The following CAPG variants were observed in gnomAD, a reference collection of about 807,000 sequenced individuals.
CAPG encodes macrophage-capping protein.
Under a neutral mutation model 44.6 loss-of-function variants are expected in CAPG, and 32 were observed. The ratio of observed to expected loss-of-function variants is 0.72; its 90% CI spans 0.54 to 0.96. CAPG has a LOEUF of 0.96. Among genes scored for constraint, CAPG ranks in the 50% least tolerant of loss-of-function variants. The probability of loss-of-function intolerance (pLI) is 0.00; values close to 1 mark genes in which losing one functional copy is unlikely to be tolerated. For missense variants in CAPG, 412 were observed against 438.3 expected (o/e 0.94, Z 0.54); for synonymous variants, 175 against 179.6 (o/e 0.97, Z 0.20).
At chr2:85,397,489 A>T (rs985026323) in intron 8 of CAPG, among the ~76,000 whole-genome samples, 2 of 145,752 alleles carry the variant, frequency 1.4e-5, no homozygotes, top group Non-Finnish European at 3.0e-5. Flanking sequence ...CCGGTGCATC[A>T]CTTGAGGTCA....
rs570186534 is a variant in CAPG, at chr2:85,401,970, A to G, written c.24-13T>C. 1 of 1,613,934 alleles carries G rather than the reference A, an allele frequency of 6.2e-7. No individual in the cohort carries two copies. Among genetic ancestry groups the G allele is most frequent in the South Asian group, 1.1e-5 (1 of 91,070 alleles). On this transcript the variant is annotated splice_polypyrimidine_tract_variant and intron_variant, in intron 2 of 9. Coordinates refer to ENST00000263867, the MANE Select transcript of CAPG (RefSeq NM_001747.4). ...GAATGGAGAGCCACTGCGAGAAGAG[A>G]GAGGGTTGACAGCAGCCTGGACCCA...
upstream of CAPG, chr2:85,413,295 A>C (rs1687470865): frequency 6.6e-6 from 1 of 152,224 alleles, no homozygotes; most frequent in Admixed American, 6.5e-5. Context: ...CAGCGAAACA[A>C]CTGGCTGGGC....
At chr2:85,407,643 G>A (rs576824232) in intron 1 of CAPG, among the ~76,000 whole-genome samples, 16 of 148,664 alleles carry the variant, frequency 1.1e-4, no homozygotes, top group Non-Finnish European at 2.1e-4. Context: ...AACCTGGGAG[G>A]TGGAGGTTGC....
chr2:85,416,685 T>C lies in CAPG; in HGVS notation c.-14+1582A>G, dbSNP rs549785638. The stretch of plus-strand genomic sequence containing the variant: ...ACGCCACTATGCCAGCTAATTTTTT[T>C]GTATTTTTAGTAGAGACAGGGTTTC... On this transcript the variant is annotated intron_variant, in intron 1 of 5. Transcript: ENST00000409275. Among the ~76,000 whole-genome samples the C allele has an allele frequency of 3.3e-5, 5 of 152,292 alleles. No homozygotes were observed. In the South Asian group the frequency reaches 1.0e-3, roughly 32 times the overall value.
chr2:85,408,472 T>G (rs1162126549), intron 1 of CAPG, among the ~76,000 whole-genome samples: 1 of 152,000 alleles, frequency 6.6e-6, no homozygotes. Flanking sequence ...CTGGGAGTTC[T>G]CCCAGCCCTC....
chr2:85,416,053 G>A (rs1201247836), intron 1 of CAPG, among the ~76,000 whole-genome samples: 2 of 152,104 alleles, frequency 1.3e-5, no homozygotes, highest in Non-Finnish European at 2.9e-5. Flanking sequence ...CCTGGACAAT[G>A]CAAGATACCA....
intron 1 of CAPG, among the ~76,000 whole-genome samples, chr2:85,416,326 C>T (rs1045445712): frequency 2.0e-5 from 3 of 152,160 alleles, no homozygotes; most frequent in Admixed American, 6.6e-5. Context: ...TGCCATGTGG[C>T]CCTCTCTGGG....
intron 5 of CAPG, 116 bp from the exon 6 acceptor site, chr2:85,399,401 C>CA: frequency 8.8e-7 from 1 of 1,134,640 alleles, no homozygotes; most frequent in Non-Finnish European, 1.3e-6. Context: ...TGAGGCAGGA[C>CA]AACCAGGAAG....
chr2:85,391,651 C>T (rs1274426079), downstream of CAPG: 5 of 152,746 alleles, frequency 3.3e-5, no homozygotes, highest in Non-Finnish European at 7.3e-5. Context: ...GGGGCTTCCT[C>T]CTGTAGATGC....
rs913957735 is a variant in CAPG, at chr2:85,401,223, C to G, written c.458G>C (p.Arg153Pro). The G allele has an allele frequency of 6.2e-7, 1 of 1,614,184 alleles. No individual in the cohort carries two copies. Among genetic ancestry groups the G allele is most frequent in the Non-Finnish European group, 8.5e-7 (1 of 1,180,028 alleles). Reference protein sequence around the residue: ...KGKKNIRATERALNWDSFNTG... With the variant: ...KGKKNIRATEPALNWDSFNTG... ...GTTGAAGCTGTCCCAGTTCAGTGCC[C>G]GCTCGGTGGCACGGATGTTCTTCTT... Residue 153 changes from arginine (R) to proline (P), a missense_variant, in exon 5 of 10, where the codon CGG becomes CCG. Transcript: ENST00000263867.
chr2:85,408,822 C>CG (rs200047318), intron 1 of CAPG: 7,428 of 151,646 alleles, frequency 0.049, 234 homozygotes, highest in Non-Finnish European at 0.069. Flanking sequence ...GAGCTGGGGC[C>CG]GGGGGGGAGG....
upstream of CAPG, among the ~76,000 whole-genome samples, chr2:85,411,200 A>G (rs11682055): frequency 0.38 from 58,431 of 151,902 alleles, 11,750 homozygotes; most frequent in African/African-American, 0.43. Context: ...AACATTCTTC[A>G]CCATCTTCCG....
intron 1 of CAPG, among the ~76,000 whole-genome samples, chr2:85,407,157 C>T (rs979381899): frequency 1.3e-5 from 2 of 151,986 alleles, no homozygotes; most frequent in Admixed American, 6.5e-5. Context: ...TCTTGAACTC[C>T]TGACCTCCAG....
At chr2:85,406,280 T>C (rs1260870784) in intron 1 of CAPG, among the ~76,000 whole-genome samples, 1 of 139,002 alleles carries the variant, frequency 7.2e-6, no homozygotes, top group East Asian at 2.0e-4. Context: ...GAAAGGAGTT[T>C]GGCTGCTCAT....
intron 5 of CAPG, among the ~76,000 whole-genome samples, chr2:85,400,540 G>A (rs1299348168): frequency 1.3e-5 from 2 of 152,018 alleles, no homozygotes; most frequent in African/African-American, 4.8e-5. Context: ...CTGTCCCCCA[G>A]CCCGGGTCCC....
chr2:85,413,619 G>C (rs1687481348), upstream of CAPG, among the ~76,000 whole-genome samples: 1 of 152,120 alleles, frequency 6.6e-6, no homozygotes, highest in African/African-American at 2.4e-5. Flanking sequence ...AAAAGGGCCG[G>C]TCGCTCAGCC....
intron 1 of CAPG, among the ~76,000 whole-genome samples, chr2:85,417,092 C>T (rs2104868499): frequency 6.6e-6 from 1 of 152,278 alleles, no homozygotes; most frequent in Middle Eastern, 3.4e-3. Context: ...CTGGGGAGGG[C>T]ACCAGGTGCC....
chr2:85,410,872 T>G (rs866096275), upstream of CAPG, among the ~76,000 whole-genome samples: 10 of 151,654 alleles, frequency 6.6e-5, no homozygotes, highest in South Asian at 1.0e-3. Context: ...TTTGTTTTTT[T>G]TTTTTTCCTG....
rs879932215 is a variant in CAPG at position 85,395,932 on chromosome 2, C to T, written c.893-306G>A. 2 of 340,362 alleles carry T rather than the reference C, an allele frequency of 5.9e-6. No individual in the cohort carries two copies. The highest frequency in any genetic ancestry group is 1.1e-5 in the Non-Finnish European group (2 of 182,674). 21.1% of individuals were successfully genotyped at this position (340,362 alleles called of 1,614,324 possible). A position where few individuals can be genotyped will look rare whatever the true frequency, so the allele number is the denominator to read the frequency against. On this transcript the variant is annotated intron_variant, in intron 8 of 9. Coordinates refer to ENST00000263867, the MANE Select transcript of CAPG (RefSeq NM_001747.4). The surrounding 1 kb of genome is among the most constrained non-coding windows in gnomAD (Gnocchi z 4.3). ...GGAGGGGAACAGGTGTTCACCCTAG[C>T]ATCAGACTGTGAGGCCGCAGGTCTC... is the stretch of plus-strand genomic sequence containing the variant.
Sources: allele counts gnomAD v4.1 joint callset (sites outside exome capture counted in the v4.1 genomes callset), GRCh38; gene constraint gnomAD v4.1.1; non-coding constraint Gnocchi (gnomAD v3.1); transcripts MANE v1.5; gene names NCBI Gene and HGNC (gene_info 2026-07-23, HGNC 2026-07-21).